FYN: variants seen among roughly 807,000 people sequenced by gnomAD.
FYN encodes the protein tyrosine-protein kinase Fyn.
In FYN, 10 loss-of-function variants were observed where a neutral mutation model predicts 70.2. The observed-to-expected ratio is 0.14, with a 90% confidence interval of 0.09 to 0.24. FYN has a LOEUF of 0.24. Among genes scored for constraint, FYN ranks in the 10% least tolerant of loss-of-function variants. The pLI is 1.00. For missense variants in FYN, 319 were observed against 673.1 expected, an observed-to-expected ratio of 0.47 and a Z score of 5.82; for synonymous variants, 236 against 248.6, an observed-to-expected ratio of 0.95 and a Z score of 0.48.
chr6:111,671,654 A>G (rs1045564090), intron 13 of FYN, among the ~76,000 whole-genome samples: 15 of 152,196 alleles, frequency 9.9e-5, no homozygotes, highest in African/African-American at 3.6e-4. Flanking sequence ...GTCCTGAGGT[A>G]CCAGCAACAG....
chr6:111,692,711 C>T (rs1004457618), intron 12 of FYN, among the ~76,000 whole-genome samples: 2 of 152,232 alleles, frequency 1.3e-5, no homozygotes, highest in Non-Finnish European at 2.9e-5. Context: ...TTTCCTTAAT[C>T]AAATATTCAT....
At chr6:111,843,887 C>G (rs1773439273) in intron 2 of FYN, among the ~76,000 whole-genome samples, 1 of 152,016 alleles carries the variant, frequency 6.6e-6, no homozygotes, top group Non-Finnish European at 1.5e-5. Context: ...CAGCCTGGGC[C>G]TTTAGGGGAG....
At chr6:111,669,185 A>C (rs1355451237) in intron 13 of FYN, among the ~76,000 whole-genome samples, 1 of 152,164 alleles carries the variant, frequency 6.6e-6, no homozygotes, top group Non-Finnish European at 1.5e-5. Flanking sequence ...CTGTAATCCC[A>C]GCACTTTGGG....
chr6:111,696,338 G>T lies in FYN; in HGVS notation c.981C>A (p.Val327=). 6.2e-7 allele frequency: 1 copy of T among 1,613,940 alleles called. No homozygotes were observed. Residue 327 remains valine (V), a synonymous_variant, in exon 10 of 14, where the codon GTC becomes GTA. Transcript: ENST00000354650. The part of the protein sequence containing the change: ...IMKKLKHDKL[V]QLYAVVSEEP... ...CCTCAGACACCACTGCATAGAGCTG[G>T]ACCAGCTTGTCGTGCTTCAGCTTCT... is the stretch of plus-strand genomic sequence containing the variant.
At chr6:111,831,830 G>A (rs144641438) in intron 2 of FYN, among the ~76,000 whole-genome samples, 7 of 152,240 alleles carry the variant, frequency 4.6e-5, no homozygotes, top group East Asian at 1.9e-4. Context: ...TAAAATGATT[G>A]GGGCATGTAG....
At chr6:111,853,108 A>C (rs1773729784) in intron 1 of FYN, among the ~76,000 whole-genome samples, 1 of 134,340 alleles carries the variant, frequency 7.4e-6, no homozygotes, top group Admixed American at 6.9e-5. Flanking sequence ...AAATGTACTT[A>C]AAAAGTCTTC....
chr6:111,752,317 T>C (rs185477443), intron 3 of FYN, among the ~76,000 whole-genome samples: 112 of 152,274 alleles, frequency 7.4e-4, no homozygotes, highest in African/African-American at 2.6e-3. Context: ...CTTGGTGAAT[T>C]AAAAAGATGA....
intron 2 of FYN, among the ~76,000 whole-genome samples, chr6:111,781,330 A>C (rs1237683370): frequency 1.3e-5 from 2 of 152,128 alleles, no homozygotes; most frequent in Non-Finnish European, 2.9e-5. Context: ...TGCTGGGAAC[A>C]CATTGCTTCT....
rs117981972 is a variant in FYN at position 111,678,175 on chromosome 6, T to C, written c.1274-3545A>G. Reference sequence around the variant, plus strand: ...GGTGTGTGTACTTGGAAGCATCTTTTCCACTGAATGTTTTCCAGGTACTAT... The same window carrying C: ...GGTGTGTGTACTTGGAAGCATCTTTCCCACTGAATGTTTTCCAGGTACTAT... On this transcript the variant is annotated intron_variant, in intron 12 of 13. Transcript: ENST00000354650. Among the ~76,000 whole-genome samples the C allele has an allele frequency of 3.4e-3, 514 of 150,100 alleles. 10 individuals carry two copies. In the East Asian group the frequency reaches 0.073, roughly 21 times the overall value.
chr6:111,686,770 G>C (rs79749601), intron 12 of FYN, among the ~76,000 whole-genome samples: 1 of 152,234 alleles, frequency 6.6e-6, no homozygotes, highest in Non-Finnish European at 1.5e-5. Flanking sequence ...GGGGCAGAGG[G>C]AGGGCATCTC....
At chr6:111,731,945 C>CAG (rs1042047763) in intron 3 of FYN, among the ~76,000 whole-genome samples, 2 of 152,108 alleles carry the variant, frequency 1.3e-5, no homozygotes, top group Non-Finnish European at 2.9e-5. Context: ...AAGAGAGACA[C>CAG]AGAGGAAATT....
chr6:111,735,962 T>C (rs1290053291), intron 3 of FYN, among the ~76,000 whole-genome samples: 2 of 152,138 alleles, frequency 1.3e-5, no homozygotes, highest in Non-Finnish European at 2.9e-5. Flanking sequence ...TTGGGGCTGG[T>C]AGGAGTGAGA....
At position 111,825,101 on chromosome 6, in the gene FYN, T is replaced by C. The variant is rs113705082; in HGVS notation, c.-82+21488A>G. Among the ~76,000 whole-genome samples, 672 of 152,194 alleles carry C rather than the reference T, an allele frequency of 4.4e-3. 3 individuals carry two copies. The highest frequency in any genetic ancestry group is 0.015 in the African/African-American group (639 of 41,516). ...CATTGCCTCTGATGCGTAGGAATGG[T>C]GGTCCACAGGCCTTGCTGGGATCTT... On this transcript the variant is annotated intron_variant, in intron 2 of 13. Transcript: ENST00000354650.
At chr6:111,780,345 T>A (rs1483594157) in intron 3 of FYN, among the ~76,000 whole-genome samples, 1 of 152,252 alleles carries the variant, frequency 6.6e-6, no homozygotes, top group Non-Finnish European at 1.5e-5. Context: ...ATACACTTAT[T>A]ACGTTTTAGA....
chr6:111,848,775 T>A (rs184163877), intron 1 of FYN, among the ~76,000 whole-genome samples: 1 of 152,362 alleles, frequency 6.6e-6, no homozygotes, highest in African/African-American at 2.4e-5. Flanking sequence ...TTCTTAAGGC[T>A]GTCTTTCTGA....
intron 1 of FYN, among the ~76,000 whole-genome samples, chr6:111,860,139 G>A (rs1265318841): frequency 3.9e-5 from 6 of 152,038 alleles, no homozygotes; most frequent in African/African-American, 1.2e-4. Context: ...TGGGCCTCCA[G>A]GACTATGACA....
chr6:111,690,635 C>T (rs1799274961), intron 12 of FYN, among the ~76,000 whole-genome samples: 1 of 152,082 alleles, frequency 6.6e-6, no homozygotes, highest in African/African-American at 2.4e-5. Context: ...CCAGATATAC[C>T]AACAGTAACA....
intron 4 of FYN, among the ~76,000 whole-genome samples, chr6:111,718,368 T>G (rs57193725): frequency 0.038 from 5,727 of 152,316 alleles, 291 homozygotes; most frequent in African/African-American, 0.12. Flanking sequence ...GTACTGTGTT[T>G]TAACTTTCAA....
intron 2 of FYN, among the ~76,000 whole-genome samples, chr6:111,785,640 G>T (rs1265372113): frequency 6.6e-6 from 1 of 151,960 alleles, no homozygotes; most frequent in East Asian, 1.9e-4. Context: ...TTAGTGGGTG[G>T]CAAAGACAGG....
Sources: gnomAD v4.1 joint callset for allele counts (sites outside exome capture counted in the v4.1 genomes callset) on GRCh38, gnomAD v4.1.1 for gene constraint, MANE v1.5 for transcripts, NCBI Gene and HGNC (gene_info 2026-07-23, HGNC 2026-07-21) for gene names.